CCDC33: variants seen among roughly 807,000 people sequenced by gnomAD.
The protein encoded by CCDC33 is coiled-coil domain containing 33, also known as coiled-coil domain-containing protein 33.
Under a neutral mutation model 91.9 loss-of-function variants are expected in CCDC33, and 94 were observed. The ratio of observed to expected loss-of-function variants is 1.02; its 90% CI spans 0.87 to 1.21. CCDC33 has a LOEUF of 1.21. CCDC33 is among the 50% of genes most tolerant of loss of function. CCDC33 has a pLI of 0.00. For synonymous variants in CCDC33, 396 were observed against 374.5 expected, an observed-to-expected ratio of 1.06 and a Z score of -0.66; for missense variants, 940 against 935.5, an observed-to-expected ratio of 1.00 and a Z score of -0.06.
chr15:74,289,192 C>T (rs1225013135), intron 10 of CCDC33, among the ~76,000 whole-genome samples: 1 of 152,204 alleles, frequency 6.6e-6, no homozygotes, highest in African/African-American at 2.4e-5. Flanking sequence ...AGATAAACAT[C>T]GCCAGCACCA....
In CCDC33 at chr15:74,316,215, C is replaced by T. The variant is rs2060086541; in HGVS notation, c.1291-13974C>T. Among the ~76,000 whole-genome samples, 1 of 152,166 alleles carries T rather than the reference C, an allele frequency of 6.6e-6. No homozygotes were observed. Among genetic ancestry groups the T allele is most frequent in the Non-Finnish European group, 1.5e-5 (1 of 68,024 alleles). On this transcript the variant is annotated intron_variant, in intron 11 of 18. Transcript: ENST00000398814. This position sits in a 1 kb window ranked among gnomAD's most constrained non-coding sequence, Gnocchi z 4.7. Reference sequence around the variant, plus strand: ...GGCAGGCTCAAGTCCCTCAAGGGCGCGGCTTCCCTCCCTCTCAGCAGCCCA... The same window carrying T: ...GGCAGGCTCAAGTCCCTCAAGGGCGTGGCTTCCCTCCCTCTCAGCAGCCCA...
At chr15:74,313,750 G>T (rs1008659600) in intron 11 of CCDC33, among the ~76,000 whole-genome samples, 1 of 152,102 alleles carries the variant, frequency 6.6e-6, no homozygotes, top group Non-Finnish European at 1.5e-5. Flanking sequence ...ACCCTGTCTG[G>T]GCTCTGGGTC....
chr15:74,293,752 G>A (rs2059627788), intron 10 of CCDC33, among the ~76,000 whole-genome samples: 2 of 152,322 alleles, frequency 1.3e-5, no homozygotes, highest in South Asian at 4.2e-4. Context: ...CAGCCTCGGG[G>A]TCCCCCAGTG....
chr15:74,215,179 A>G (rs1467640742), upstream of CCDC33, among the ~76,000 whole-genome samples: 1 of 152,196 alleles, frequency 6.6e-6, no homozygotes, highest in Non-Finnish European at 1.5e-5. Flanking sequence ...GGTAGTGGAA[A>G]TCACACCAGC....
chr15:74,310,553 AG>A (rs1471550006), intron 11 of CCDC33, among the ~76,000 whole-genome samples: 54 of 150,652 alleles, frequency 3.6e-4, no homozygotes, highest in African/African-American at 9.5e-4. Context: ...AAAAAAAAAA[AG>A]AAATTTGAAT....
intron 1 of CCDC33, among the ~76,000 whole-genome samples, chr15:74,208,573 T>G (rs532342552): frequency 1.3e-5 from 2 of 152,096 alleles, no homozygotes; most frequent in African/African-American, 4.8e-5. Context: ...TCTGCGAATG[T>G]CTCCTGCCTT....
At chr15:74,274,701 G>A (rs79397498) in intron 7 of CCDC33, among the ~76,000 whole-genome samples, 5,294 of 152,322 alleles carry the variant, frequency 0.035, 128 homozygotes, top group Middle Eastern at 0.1. Flanking sequence ...AGGGGCAAGA[G>A]GCACTGCCTG....
At chr15:74,284,668 T>A (rs2059438088) in intron 10 of CCDC33, among the ~76,000 whole-genome samples, 1 of 152,150 alleles carries the variant, frequency 6.6e-6, no homozygotes, top group Non-Finnish European at 1.5e-5. Context: ...AAAAAATAAT[T>A]CATGTCAGCT....
intron 2 of CCDC33, among the ~76,000 whole-genome samples, chr15:74,210,491 A>G (rs1197844852): frequency 1.3e-5 from 2 of 152,244 alleles, no homozygotes; most frequent in South Asian, 2.1e-4. Context: ...ACATATGTGT[A>G]TGTATGTGTG....
rs746186619 is a variant in CCDC33, at chr15:74,331,240, T to G, written c.1715T>G (p.Leu572Arg). ...EKMERVLEDR[L>R]QDRSKPPPLN... The stretch of plus-strand genomic sequence containing the variant: ...ATGGAGCGGGTGCTGGAGGACAGGC[T>G]GCAGGACAGGAGCAAGCCCCCTCCT... The change falls in exon 15 of 19, where the codon CTG becomes CGG. Residue 572 changes from leucine (L) to arginine (R), a missense_variant. Leu to Arg is a moderately radical substitution (Grantham distance 102, BLOSUM62 -2). Transcript: ENST00000398814. 6.2e-7 allele frequency: 1 copy of G among 1,614,174 alleles called. No homozygotes were observed.
chr15:74,330,693 A>G lies in CCDC33; in HGVS notation c.1487A>G (p.Glu496Gly). The part of the protein sequence containing the change: ...VSMKQKLLLS[E>G]LDMKKLRDRV... ...ATGAAGCAGAAACTGCTGCTGAGTG[A>G]GCTGGATATGAAGAAACTGAGGGAC... Residue 496 changes from glutamate to glycine, a missense_variant, in exon 13 of 19, where the codon GAG becomes GGG. Coordinates refer to ENST00000398814, the MANE Select transcript of CCDC33 (RefSeq NM_025055.5). 2.5e-6 allele frequency: 4 copies of G among 1,613,614 alleles called. No individual in the cohort carries two copies. Among genetic ancestry groups the G allele is most frequent in the Non-Finnish European group, 3.4e-6 (4 of 1,179,982 alleles).
upstream of CCDC33, among the ~76,000 whole-genome samples, chr15:74,215,252 A>G (rs544395015): frequency 6.6e-6 from 1 of 152,214 alleles, no homozygotes; most frequent in East Asian, 1.9e-4. Flanking sequence ...TCCCCAGGAC[A>G]TTATGTTAAG....
intron 2 of CCDC33, among the ~76,000 whole-genome samples, chr15:74,219,935 C>A (rs1262274390): frequency 3.9e-5 from 6 of 152,142 alleles, no homozygotes; most frequent in Non-Finnish European, 7.4e-5. Context: ...GCTCTTGGCC[C>A]ATCTGCGGTG....
At chr15:74,306,943 C>A (rs1266160577) in intron 11 of CCDC33, among the ~76,000 whole-genome samples, 1 of 152,202 alleles carries the variant, frequency 6.6e-6, no homozygotes, top group Non-Finnish European at 1.5e-5. Context: ...CCTCCGTCTC[C>A]CCTCCTGTGG....
At chr15:74,292,039 A>G (rs1417128443) in intron 10 of CCDC33, among the ~76,000 whole-genome samples, 2 of 152,358 alleles carry the variant, frequency 1.3e-5, no homozygotes, top group East Asian at 3.9e-4. Flanking sequence ...TTATAGTCTT[A>G]ATGAACCAGG....
chr15:74,334,858 C>T (rs1044507832), intron 17 of CCDC33, 117 bp from the exon 18 acceptor site: 5 of 886,414 alleles, frequency 5.6e-6, no homozygotes, highest in Non-Finnish European at 9.2e-6. Flanking sequence ...GTCAAGCCCA[C>T]ATGGCCCAGA....
At chr15:74,214,022 G>C (rs1849906273), upstream of CCDC33, among the ~76,000 whole-genome samples, 1 of 152,094 alleles carries the variant, frequency 6.6e-6, no homozygotes, top group African/African-American at 2.4e-5. Context: ...CTCCCTGCTT[G>C]CCAGGATTCA....
chr15:74,246,621 G>A (rs2142286891), intron 2 of CCDC33, among the ~76,000 whole-genome samples: 1 of 152,306 alleles, frequency 6.6e-6, no homozygotes, highest in Admixed American at 6.5e-5. Flanking sequence ...CAAGGAGATA[G>A]CACCTCACAC....
intron 5 of CCDC33, among the ~76,000 whole-genome samples, chr15:74,270,639 G>A (rs2076288346): frequency 6.6e-6 from 1 of 152,118 alleles, no homozygotes; most frequent in African/African-American, 2.4e-5. Context: ...GGTGGGTGAG[G>A]GCTGAGGGAG....
Sources: gnomAD v4.1 joint callset for allele counts (sites outside exome capture counted in the v4.1 genomes callset) on GRCh38, gnomAD v4.1.1 for gene constraint, Gnocchi (gnomAD v3.1) non-coding constraint, MANE v1.5 for transcripts, NCBI Gene and HGNC (gene_info 2026-07-23, HGNC 2026-07-21) for gene names.